Variants in PIP4K2A observed in about 807,000 individuals in gnomAD.
PIP4K2A encodes the protein phosphatidylinositol-5-phosphate 4-kinase type 2 alpha, also known as phosphatidylinositol 5-phosphate 4-kinase type-2 alpha.
In PIP4K2A, 14 loss-of-function variants were observed where a neutral mutation model predicts 42.9. The observed-to-expected ratio is 0.33, with a 90% CI of 0.22 to 0.51. PIP4K2A has a LOEUF of 0.51. PIP4K2A is among the 20% of genes least tolerant of loss of function. The pLI is 0.97. For missense variants in PIP4K2A, 434 were observed against 519.8 expected (o/e 0.83, Z 1.61); for synonymous variants, 192 against 192.2 (o/e 1.00, Z 0.01).
At position 22,601,159 on chromosome 10, in the gene PIP4K2A, A is replaced by C. The variant is rs572008771; in HGVS notation, c.339+6768T>G. Among the ~76,000 whole-genome samples the C allele has an allele frequency of 9.7e-4, 123 of 126,158 alleles. 1 individual carries two copies. The highest frequency in any genetic ancestry group is 1.3e-3 in the Non-Finnish European group (77 of 57,446). 82.8% of individuals were successfully genotyped at this position (126,158 alleles called of 152,430 possible). A position where few individuals can be genotyped will look rare whatever the true frequency, so the allele number is the denominator to read the frequency against. ...AAAAAAAAAAAAAAAAAAAAAAAAA[A>C]AAAACAAACCAGGAACATGTCCCCA... On this transcript the variant is annotated intron_variant, in intron 3 of 9. Coordinates refer to ENST00000376573, the MANE Select transcript of PIP4K2A (RefSeq NM_005028.5).
chr10:22,660,984 G>A (rs1425198228), intron 1 of PIP4K2A, among the ~76,000 whole-genome samples: 1 of 152,182 alleles, frequency 6.6e-6, no homozygotes, highest in Admixed American at 6.5e-5. Flanking sequence ...AAGCCACTCA[G>A]GTGTGGGACA....
Position 22,714,358 on chromosome 10 carries a change from C to A in PIP4K2A, c.-32G>T, listed in dbSNP as rs1375716831. On this transcript the variant is annotated 5_prime_UTR_variant, in exon 1 of 10. Transcript: ENST00000376573. ...CTCCTATGTCCCCTCCACCGCCGTG[C>A]TCCCGAGGCCGGGGACCCGCCCTCT... 2 of 1,507,432 alleles carry A rather than the reference C, an allele frequency of 1.3e-6. No homozygotes were observed. Among genetic ancestry groups the A allele is most frequent in the South Asian group, 1.2e-5 (1 of 81,744 alleles). The allele number at this position is 1,507,432 out of a possible 1,614,324, so 93.4% of individuals were successfully genotyped here.
intron 1 of PIP4K2A, among the ~76,000 whole-genome samples, chr10:22,630,870 T>C (rs1397140375): frequency 6.6e-6 from 1 of 152,200 alleles, no homozygotes; most frequent in African/African-American, 2.4e-5. Flanking sequence ...CCTTCCATCA[T>C]CATCCACCCA....
chr10:22,644,361 G>A (rs1838838268), intron 1 of PIP4K2A, among the ~76,000 whole-genome samples: 1 of 152,170 alleles, frequency 6.6e-6, no homozygotes. Context: ...GCAGATGGCG[G>A]CAAAGCCTCC....
At chr10:22,686,914 G>A (rs1839775533) in intron 1 of PIP4K2A, among the ~76,000 whole-genome samples, 2 of 152,102 alleles carry the variant, frequency 1.3e-5, no homozygotes. Flanking sequence ...CGCATTTAGG[G>A]CCGTCTGTTA....
chr10:22,709,366 C>T (rs1478476930), intron 1 of PIP4K2A, among the ~76,000 whole-genome samples: 1 of 152,196 alleles, frequency 6.6e-6, no homozygotes. Context: ...GACTAAATCA[C>T]CTGCTCAAAG....
At chr10:22,608,208 A>T (rs910154499) in intron 2 of PIP4K2A, among the ~76,000 whole-genome samples, 185 bp from the exon 3 acceptor site, 5 of 152,222 alleles carry the variant, frequency 3.3e-5, no homozygotes, top group African/African-American at 1.2e-4. Context: ...GGCCAGACGG[A>T]TGTCTGTCTG....
intron 9 of PIP4K2A, among the ~76,000 whole-genome samples, 199 bp from the exon 10 acceptor site, chr10:22,537,480 G>C (rs1418534378): frequency 6.6e-6 from 1 of 152,104 alleles, no homozygotes; most frequent in Non-Finnish European, 1.5e-5. Context: ...TTACAAATCT[G>C]TGTCTGCAAA....
In PIP4K2A at chr10:22,622,385, A is replaced by G. The variant is rs1167274571; in HGVS notation, c.145-12668T>C. On this transcript the variant is annotated intron_variant, in intron 1 of 9. Transcript: ENST00000376573. ...GATTCCTCAGAAACCCCAGCCCAAG[A>G]AGCTTCGGGCACGGGAAGACCCAGC... is the stretch of plus-strand genomic sequence containing the variant. Among the ~76,000 whole-genome samples, 3 of 152,142 alleles carry G rather than the reference A, an allele frequency of 2.0e-5. No individual in the cohort carries two copies. In the East Asian group the frequency reaches 5.8e-4, roughly 29 times the overall value.
At chr10:22,693,942 C>G (rs1484724962) in intron 1 of PIP4K2A, 1 of 152,112 alleles carries the variant, frequency 6.6e-6, no homozygotes, top group Non-Finnish European at 1.5e-5. Context: ...CCTTCATTTA[C>G]ACACCTTATC....
At chr10:22,679,734 G>C (rs975913466) in intron 1 of PIP4K2A, among the ~76,000 whole-genome samples, 2 of 152,098 alleles carry the variant, frequency 1.3e-5, no homozygotes, top group African/African-American at 4.8e-5. Context: ...CCCATAAAAA[G>C]GAATTAAGTA....
intron 1 of PIP4K2A, among the ~76,000 whole-genome samples, chr10:22,623,523 G>GC (rs1447430018): frequency 6.6e-6 from 1 of 152,102 alleles, no homozygotes; most frequent in Non-Finnish European, 1.5e-5. Context: ...TCTGACGAAT[G>GC]CCCTCCTCAG....
intron 3 of PIP4K2A, among the ~76,000 whole-genome samples, chr10:22,607,023 G>A (rs1046588184): frequency 6.7e-6 from 1 of 149,242 alleles, no homozygotes; most frequent in East Asian, 1.9e-4. Flanking sequence ...AGGCTGTGTT[G>A]AGCACTTAAC....
At chr10:22,565,109 G>C (rs1292146923) in intron 6 of PIP4K2A, among the ~76,000 whole-genome samples, 7 of 152,158 alleles carry the variant, frequency 4.6e-5, no homozygotes, top group Non-Finnish European at 7.4e-5. Context: ...GTGATGTTCT[G>C]CTGGGCTTGT....
rs1431029163 is a variant in PIP4K2A at position 22,664,158 on chromosome 10, T to TAC, written c.144+50024_144+50025insGT. Among the ~76,000 whole-genome samples, 13 of 68,028 alleles carry TAC rather than the reference T, an allele frequency of 1.9e-4. 1 individual carries two copies. The highest frequency in any genetic ancestry group is 7.9e-4 in the East Asian group (3 of 3,816). The allele number at this position is 68,028 out of a possible 152,430, so 44.6% of individuals were successfully genotyped here. ...ATATATATACATATATATACACATA[T>TAC]ATATATATACATATATATATATACA... On this transcript the variant is annotated intron_variant, in intron 1 of 9. Transcript: ENST00000376573.
chr10:22,632,879 G>C (rs1276500030), intron 1 of PIP4K2A, among the ~76,000 whole-genome samples: 1 of 152,160 alleles, frequency 6.6e-6, no homozygotes, highest in African/African-American at 2.4e-5. Flanking sequence ...AAGCGGTTGA[G>C]TTTCATATTT....
chr10:22,585,837 C>A (rs1837382254), intron 4 of PIP4K2A, among the ~76,000 whole-genome samples: 1 of 152,116 alleles, frequency 6.6e-6, no homozygotes. Flanking sequence ...CTCAAGTGAT[C>A]CGTCCACCTC....
At chr10:22,538,478 C>T (rs75648622) in intron 9 of PIP4K2A, among the ~76,000 whole-genome samples, 3 of 152,286 alleles carry the variant, frequency 2.0e-5, no homozygotes, top group Admixed American at 2.0e-4. Flanking sequence ...GGCAAAACCC[C>T]ATCAGCAAGG....
At chr10:22,577,201 C>T (rs1837145497) in intron 4 of PIP4K2A, among the ~76,000 whole-genome samples, 2 of 151,938 alleles carry the variant, frequency 1.3e-5, no homozygotes, top group Admixed American at 1.3e-4. Context: ...ACACCTGGTT[C>T]TTGTCCGTGT....
Sources: gnomAD v4.1 joint callset for allele counts (sites outside exome capture counted in the v4.1 genomes callset) on GRCh38, gnomAD v4.1.1 for gene constraint, MANE v1.5 for transcripts, NCBI Gene and HGNC (gene_info 2026-07-23, HGNC 2026-07-21) for gene names.